The following ASIP variants were observed in gnomAD, a reference collection of about 807,000 sequenced individuals.
ASIP encodes agouti-signaling protein.
A neutral mutation model predicts 10.3 loss-of-function variants in ASIP; 11 were observed. The observed-to-expected ratio is 1.07, with a 90% CI of 0.68 to 1.78. ASIP has a LOEUF of 1.78. Ranked by LOEUF, ASIP falls within the 40% of genes most tolerant of loss-of-function variation. The pLI is 0.00. For missense variants in ASIP, 180 were observed against 169.2 expected (o/e 1.06, Z -0.35); for synonymous variants, 70 against 70.8 (o/e 0.99, Z 0.06).
At chr20:34,220,814 C>T (rs1286875630) in intron 1 of ASIP, among the ~76,000 whole-genome samples, 2 of 152,054 alleles carry the variant, frequency 1.3e-5, no homozygotes, top group African/African-American at 4.8e-5. Flanking sequence ...GTCAATGACT[C>T]ATGATTGATG....
At chr20:34,268,001 T>G (rs2035818510) in intron 3 of ASIP, among the ~76,000 whole-genome samples, 1 of 152,376 alleles carries the variant, frequency 6.6e-6, no homozygotes, top group East Asian at 1.9e-4. Context: ...ACAGCACATC[T>G]CATTCCAATG....
At chr20:34,268,854 CGGGCGGT>C in intron 3 of ASIP, 130 bp from the exon 4 acceptor site, 2 of 1,040,640 alleles carry the variant, frequency 1.9e-6, no homozygotes, top group Admixed American at 2.3e-5. Flanking sequence ...ACTGGGGGAG[CGGGCGGT>C]GGGCGGTGGG....
chr20:34,191,518 T>C (rs546000684), upstream of ASIP, among the ~76,000 whole-genome samples: 1 of 152,274 alleles, frequency 6.6e-6, no homozygotes, highest in East Asian at 1.9e-4. Context: ...GCAGTGCTCC[T>C]CAGCACCATG....
At chr20:34,216,308 C>T (rs950063846) in intron 1 of ASIP, among the ~76,000 whole-genome samples, 1 of 152,238 alleles carries the variant, frequency 6.6e-6, no homozygotes, top group Non-Finnish European at 1.5e-5. Flanking sequence ...GAGTAGGTGC[C>T]GCGCGGGCGG....
intron 1 of ASIP, among the ~76,000 whole-genome samples, chr20:34,200,167 T>C (rs901886418): frequency 2.0e-5 from 3 of 152,238 alleles, no homozygotes; most frequent in Admixed American, 6.5e-5. Flanking sequence ...TTCAGATGTT[T>C]GGCTCTGAAT....
At chr20:34,259,929 C>T (rs1391644821) in intron 1 of ASIP, among the ~76,000 whole-genome samples, 1 of 152,022 alleles carries the variant, frequency 6.6e-6, no homozygotes, top group Non-Finnish European at 1.5e-5. Flanking sequence ...TCATCTTTCT[C>T]ACTGAGACTT....
upstream of ASIP, among the ~76,000 whole-genome samples, chr20:34,237,988 A>C (rs985868313): frequency 1.1e-4 from 17 of 152,120 alleles, no homozygotes; most frequent in African/African-American, 3.6e-4. Flanking sequence ...TGGCCTCCAA[A>C]GTTTCTGATA....
chr20:34,265,234 A>G (rs2035763855), intron 3 of ASIP, among the ~76,000 whole-genome samples: 1 of 152,218 alleles, frequency 6.6e-6, no homozygotes, highest in African/African-American at 2.4e-5. Flanking sequence ...GTCAAAAATA[A>G]TATGAGGGCC....
chr20:34,188,000 G>A, the ASIP span, among the ~76,000 whole-genome samples: 238 of 152,318 alleles, frequency 1.6e-3, 5 homozygotes, highest in East Asian at 0.021. Context: ...GGCTGAGCCT[G>A]TAATTGTTTG....
chr20:34,215,937 C>T (rs2122556091), intron 1 of ASIP: 1 of 792,196 alleles, frequency 1.3e-6, no homozygotes, highest in South Asian at 1.3e-5. Flanking sequence ...TAGGCTTGCC[C>T]TCTGATCCCA....
Position 34,218,238 on chromosome 20 carries a change from G to A in ASIP, c.-11+23478G>A, listed in dbSNP as rs533419219. Among the ~76,000 whole-genome samples the A allele has an allele frequency of 1.2e-4, 18 of 152,188 alleles. No homozygotes were observed. The Middle Eastern group carries it at 0.01, about 87-fold the overall frequency. ...ATTTTGGAGACAATTGGGAAATTGCGAGCATGGAGGTTTGGCTTCAGCATT... is the reference window on the plus strand; with the variant it reads ...ATTTTGGAGACAATTGGGAAATTGCAAGCATGGAGGTTTGGCTTCAGCATT... On this transcript the variant is annotated intron_variant, in intron 1 of 3. Transcript: ENST00000568305.
chr20:34,249,722 C>A (rs1040328284), intron 1 of ASIP, among the ~76,000 whole-genome samples: 1 of 152,200 alleles, frequency 6.6e-6, no homozygotes, highest in South Asian at 2.1e-4. Flanking sequence ...ACTTGTCTCT[C>A]TTCCCTGCAC....
At chr20:34,215,324 T>G in intron 1 of ASIP, 1 of 1,570,210 alleles carries the variant, frequency 6.4e-7, no homozygotes, top group South Asian at 1.1e-5. Flanking sequence ...TTTTGTGATA[T>G]TTGGTACCAT....
In ASIP at chr20:34,209,808, G is replaced by T. The variant is rs905807259; in HGVS notation, c.-11+15048G>T. ...TTGGCATGATAACCTGGGTGCGATG[G>T]ACAGCAGTGGGAGGCAGACAGGCTC... On this transcript the variant is annotated intron_variant, in intron 1 of 3. Coordinates refer to the ASIP transcript ENST00000568305. Among the ~76,000 whole-genome samples the T allele has an allele frequency of 3.3e-5, 5 of 152,340 alleles. No homozygotes were observed. The South Asian group carries it at 1.0e-3, about 32-fold the overall frequency.
At chr20:34,257,070 CTTTTT>C (rs56227909) in intron 1 of ASIP, among the ~76,000 whole-genome samples, 1 of 139,426 alleles carries the variant, frequency 7.2e-6, no homozygotes, top group African/African-American at 2.6e-5. Context: ...CTTTCTTTCT[CTTTTT>C]TTTTTTTGTT....
At position 34,260,457 on chromosome 20, in the gene ASIP, A is replaced by T. The variant is rs1601612606; in HGVS notation, c.83A>T (p.Glu28Val). Reference protein sequence around the residue: ...FTANSHLPPEEKLRDDRSLRS... With the variant: ...FTANSHLPPEVKLRDDRSLRS... ...GCCAACAGCCACCTGCCACCTGAGG[A>T]GAAGCTCCGAGATGACAGGAGCCTG... The change falls in exon 2 of 4, where the codon GAG (glutamate) becomes GTG (valine). Residue 28 changes from glutamate to valine, a missense_variant. Physicochemically the swap from Glu to Val is moderately radical, Grantham distance 121 (BLOSUM62 -2). Coordinates refer to ENST00000374954, the MANE Select transcript of ASIP (RefSeq NM_001672.3). 5 of 1,614,106 alleles carry T rather than the reference A, an allele frequency of 3.1e-6. No individual in the cohort carries two copies. In the East Asian group the frequency reaches 1.1e-4, roughly 36 times the overall value.
chr20:34,205,713 G>T (rs1462536638), intron 1 of ASIP, among the ~76,000 whole-genome samples: 1 of 149,476 alleles, frequency 6.7e-6, no homozygotes, highest in East Asian at 1.9e-4. Flanking sequence ...ACAGAGTGCT[G>T]ATTGGTGCTT....
intron 1 of ASIP, among the ~76,000 whole-genome samples, chr20:34,247,298 T>A (rs1023644599): frequency 8.0e-5 from 12 of 150,788 alleles, no homozygotes; most frequent in African/African-American, 2.7e-4. Context: ...CATTATATGA[T>A]GCTTTTTTTT....
rs1185348212 is a variant in ASIP at position 34,260,591 on chromosome 20, A to G, written c.160+57A>G. On this transcript the variant is annotated intron_variant, in intron 2 of 3. Coordinates refer to ENST00000374954, the MANE Select transcript of ASIP (RefSeq NM_001672.3). ...GGAGAGGGGCTGCAGGAGATCAAGCATGCTTCCCAGGGTGCTACCAGGATC... is the reference window on the plus strand; with the variant it reads ...GGAGAGGGGCTGCAGGAGATCAAGCGTGCTTCCCAGGGTGCTACCAGGATC... The G allele has an allele frequency of 3.0e-5, 45 of 1,524,164 alleles. 1 individual carries two copies. The highest frequency in any genetic ancestry group is 4.0e-5 in the Non-Finnish European group (45 of 1,123,376). The allele number at this position is 1,524,164 out of a possible 1,614,324, so 94.4% of individuals were successfully genotyped here.
Sources: gnomAD v4.1 joint callset for allele counts (sites outside exome capture counted in the v4.1 genomes callset) on GRCh38, gnomAD v4.1.1 for gene constraint, MANE v1.5 for transcripts, NCBI Gene and HGNC (gene_info 2026-07-23, HGNC 2026-07-21) for gene names.